The following SLC71A1 variants were observed in gnomAD, a reference collection of about 807,000 sequenced individuals.
SLC71A1 encodes the protein solute carrier family 71 member 1, also known as hippocampus abundant gene transcript 1.
chr1:100,055,720 G>A, the SLC71A1 span, among the ~76,000 whole-genome samples: 1 of 151,996 alleles, frequency 6.6e-6, no homozygotes, highest in Non-Finnish European at 1.5e-5. Flanking sequence ...CTTTCTTTGT[G>A]TTATAAACAA....
the SLC71A1 span, chr1:100,038,339 G>C: frequency 6.5e-7 from 1 of 1,549,930 alleles, no homozygotes; most frequent in Non-Finnish European, 8.7e-7. Flanking sequence ...CCGCGCCGGC[G>C]AGCGTCCCTC....
At chr1:100,078,609 C>G in the SLC71A1 span, 1 of 1,183,424 alleles carries the variant, frequency 8.5e-7, no homozygotes, top group Non-Finnish European at 1.3e-6. Flanking sequence ...ATCCTGTGTT[C>G]TGTCTCCTAT....
the SLC71A1 span, among the ~76,000 whole-genome samples, chr1:100,070,182 C>G: frequency 6.6e-6 from 1 of 152,162 alleles, no homozygotes; most frequent in African/African-American, 2.4e-5. Flanking sequence ...GGAGAATGGT[C>G]TTAAGGGCAC....
chr1:100,066,491 A>G, the SLC71A1 span, among the ~76,000 whole-genome samples: 2 of 152,284 alleles, frequency 1.3e-5, no homozygotes, highest in East Asian at 3.9e-4. Context: ...AAAGTTTCTT[A>G]AAACATTATG....
the SLC71A1 span, among the ~76,000 whole-genome samples, chr1:100,076,523 A>G: frequency 6.6e-6 from 1 of 152,170 alleles, no homozygotes; most frequent in Non-Finnish European, 1.5e-5. Context: ...TTTAATTCCC[A>G]TGACAAGGTT....
chr1:100,073,324 C>T, the SLC71A1 span, among the ~76,000 whole-genome samples: 6 of 152,126 alleles, frequency 3.9e-5, no homozygotes, highest in East Asian at 7.7e-4. Context: ...GAAATTTAAT[C>T]GCATCTTACC....
the SLC71A1 span, chr1:100,079,625 A>T: frequency 6.6e-6 from 1 of 152,238 alleles, no homozygotes; most frequent in Non-Finnish European, 1.5e-5. Flanking sequence ...TCATGCCTGT[A>T]ATCTCAGTGC....
the SLC71A1 span, among the ~76,000 whole-genome samples, chr1:100,063,211 T>C: frequency 6.6e-6 from 1 of 152,176 alleles, no homozygotes; most frequent in African/African-American, 2.4e-5. Flanking sequence ...GCCAAAGTTT[T>C]GAAATTAACA....
chr1:100,050,094 G>A, the SLC71A1 span: 3,102 of 707,528 alleles, frequency 4.4e-3, 31 homozygotes, highest in African/African-American at 0.023. Context: ...CCCTTTGCAC[G>A]GTTAATTCTC....
the SLC71A1 span, among the ~76,000 whole-genome samples, chr1:100,069,426 A>G: frequency 1.3e-5 from 2 of 152,194 alleles, no homozygotes; most frequent in Non-Finnish European, 2.9e-5. Flanking sequence ...GGGACCCACC[A>G]TGGATAAGTA....
the SLC71A1 span, among the ~76,000 whole-genome samples, chr1:100,059,144 GTTTTTTTTTT>G: frequency 4.0e-5 from 3 of 75,416 alleles, no homozygotes; most frequent in African/African-American, 1.2e-4. Flanking sequence ...TCTTTTTCGT[GTTTTTTTTTT>G]TTTTTTTTTT....
chr1:100,070,571 A>G, the SLC71A1 span, among the ~76,000 whole-genome samples: 3 of 152,200 alleles, frequency 2.0e-5, no homozygotes, highest in Admixed American at 6.5e-5. Flanking sequence ...TGAATAAGAT[A>G]TTAATCAACA....
At chr1:100,080,429 A>T in the SLC71A1 span, 2 of 1,249,838 alleles carry the variant, frequency 1.6e-6, no homozygotes, top group African/African-American at 1.5e-5. Context: ...TCATATTTGT[A>T]CTGGTTCTAA....
chr1:100,055,810 T>A, the SLC71A1 span, among the ~76,000 whole-genome samples: 10 of 152,272 alleles, frequency 6.6e-5, no homozygotes, highest in South Asian at 2.1e-3. Context: ...TGGAGTGCAG[T>A]GGCGCGATCT....
At chr1:100,073,596 T>C in the SLC71A1 span, among the ~76,000 whole-genome samples, 1 of 152,230 alleles carries the variant, frequency 6.6e-6, no homozygotes, top group South Asian at 2.1e-4. Context: ...ATTTTGTTCA[T>C]AGCAGCTACA....
chr1:100,038,399 GCGTCCCGGTGCCT>G, the SLC71A1 span: 7 of 1,124,138 alleles, frequency 6.2e-6, no homozygotes, highest in Non-Finnish European at 9.2e-6. Context: ...CCGTCTCTAG[GCGTCCCGGTGCCT>G]CCCTCCCTTC....
At chr1:100,065,904 G>C in the SLC71A1 span, among the ~76,000 whole-genome samples, 22 of 151,478 alleles carry the variant, frequency 1.5e-4, no homozygotes, top group African/African-American at 5.1e-4. Flanking sequence ...TCACTCTTGG[G>C]ATCAAGTGAT....
At chr1:100,076,169 C>T in the SLC71A1 span, among the ~76,000 whole-genome samples, 1 of 152,164 alleles carries the variant, frequency 6.6e-6, no homozygotes, top group East Asian at 1.9e-4. Flanking sequence ...GAATCATTTG[C>T]TTTTCACTGG....
the SLC71A1 span, chr1:100,062,224 C>A: frequency 7.7e-6 from 2 of 260,192 alleles, no homozygotes; most frequent in Non-Finnish European, 1.4e-5. Context: ...TAACAGAATC[C>A]TAAAAATAAG....
Sources: allele counts gnomAD v4.1 joint callset (sites outside exome capture counted in the v4.1 genomes callset), GRCh38; gene constraint gnomAD v4.1.1; transcripts MANE v1.5; gene names NCBI Gene and HGNC (gene_info 2026-07-23, HGNC 2026-07-21).